The following RCOR3 variants were observed in gnomAD, a reference collection of about 807,000 sequenced individuals.
RCOR3 encodes the protein REST corepressor 3.
Under a neutral mutation model 64.1 loss-of-function variants are expected in RCOR3, and 13 were observed. That is an observed-to-expected ratio of 0.20 (90% CI 0.13 to 0.32). RCOR3 has a LOEUF of 0.32. Ranked by LOEUF, RCOR3 falls within the 10% of genes least tolerant of loss-of-function variation. The probability of loss-of-function intolerance (pLI) is 1.00; values close to 1 mark genes in which losing one functional copy is unlikely to be tolerated. For missense variants in RCOR3, 489 were observed against 701.2 expected (o/e 0.70, Z 3.42); for synonymous variants, 215 against 239.0 (o/e 0.90, Z 0.93).
chr1:211,262,694 T>A (rs966064316), intron 2 of RCOR3, among the ~76,000 whole-genome samples: 3 of 152,172 alleles, frequency 2.0e-5, no homozygotes, highest in African/African-American at 2.4e-5. Context: ...AGCATTACAT[T>A]GGAAAGCATT....
At chr1:211,278,973 GAAGTCAGGTTT>G (rs1490897708) in intron 6 of RCOR3, among the ~76,000 whole-genome samples, 1 of 152,184 alleles carries the variant, frequency 6.6e-6, no homozygotes, top group Non-Finnish European at 1.5e-5. Context: ...CAGATCACTT[GAAGTCAGGTTT>G]AAGACCAGCC....
intron 2 of RCOR3, among the ~76,000 whole-genome samples, chr1:211,266,028 TATC>T (rs1319783570): frequency 6.6e-6 from 1 of 151,946 alleles, no homozygotes; most frequent in Non-Finnish European, 1.5e-5. Flanking sequence ...TCTAACCTCT[TATC>T]ATTTGACCGC....
At chr1:211,293,009 G>A (rs982081684) in intron 8 of RCOR3, among the ~76,000 whole-genome samples, 3 of 151,854 alleles carry the variant, frequency 2.0e-5, no homozygotes, top group Middle Eastern at 3.4e-3. Flanking sequence ...GCTTGAATCC[G>A]GGCTGCAGAG....
At chr1:211,300,358 C>T (rs1244538497) in intron 9 of RCOR3, among the ~76,000 whole-genome samples, 1 of 152,138 alleles carries the variant, frequency 6.6e-6, no homozygotes. Flanking sequence ...GTGTGAGCCA[C>T]CACGTTCAGC....
chr1:211,281,579 A>G (rs1235386777), intron 7 of RCOR3, among the ~76,000 whole-genome samples: 1 of 152,130 alleles, frequency 6.6e-6, no homozygotes, highest in Admixed American at 6.6e-5. Context: ...ATAAAACACA[A>G]ACTCTCCAGT....
intron 7 of RCOR3, 80 bp downstream of exon 7, chr1:211,279,396 A>C (rs1697463081): frequency 9.9e-7 from 1 of 1,014,840 alleles, no homozygotes; most frequent in East Asian, 2.5e-5. Context: ...GTATTAAGAA[A>C]AACTTTTTAA....
intron 7 of RCOR3, among the ~76,000 whole-genome samples, chr1:211,283,359 C>T (rs959813083): frequency 6.6e-6 from 1 of 152,194 alleles, no homozygotes; most frequent in African/African-American, 2.4e-5. Context: ...AACAGGGTCC[C>T]AGGATTCTTT....
intron 10 of RCOR3, among the ~76,000 whole-genome samples, chr1:211,308,731 A>G (rs1701185486): frequency 1.6e-5 from 1 of 62,662 alleles, no homozygotes; most frequent in African/African-American, 6.7e-5. Flanking sequence ...TTTTTTTTTG[A>G]GACAGAGTCT....
At chr1:211,263,829 TTG>T (rs1207515728) in intron 2 of RCOR3, among the ~76,000 whole-genome samples, 83 of 152,180 alleles carry the variant, frequency 5.5e-4, no homozygotes, top group African/African-American at 2.0e-3. Flanking sequence ...TGTTTTTTTT[TTG>T]TTTTTTTTAG....
intron 2 of RCOR3, among the ~76,000 whole-genome samples, chr1:211,261,487 T>G (rs1226641308): frequency 1.3e-5 from 2 of 152,226 alleles, no homozygotes; most frequent in Non-Finnish European, 2.9e-5. Context: ...GTGTGTATAC[T>G]GATGGGCTTC....
intron 2 of RCOR3, among the ~76,000 whole-genome samples, chr1:211,269,183 G>A (rs1176690006): frequency 6.6e-6 from 1 of 152,174 alleles, no homozygotes; most frequent in Non-Finnish European, 1.5e-5. Context: ...TCATTTATGA[G>A]CCGGGTGCAG....
At chr1:211,290,154 A>G (rs548815389) in intron 8 of RCOR3, among the ~76,000 whole-genome samples, 1 of 152,246 alleles carries the variant, frequency 6.6e-6, no homozygotes, top group African/African-American at 2.4e-5. Context: ...CCTTAAATCT[A>G]GATATTCTTC....
intron 2 of RCOR3, among the ~76,000 whole-genome samples, chr1:211,261,609 A>G (rs893515316): frequency 2.0e-5 from 3 of 152,188 alleles, no homozygotes; most frequent in African/African-American, 7.2e-5. Context: ...ATTTGGAAAG[A>G]GCACATTTTG....
At chr1:211,278,750 A>G (rs1697361415) in intron 6 of RCOR3, among the ~76,000 whole-genome samples, 1 of 152,108 alleles carries the variant, frequency 6.6e-6, no homozygotes, top group Non-Finnish European at 1.5e-5. Context: ...TGTATACCCA[A>G]TGAGATAAAT....
At chr1:211,299,297 T>G (rs1700147126) in intron 9 of RCOR3, among the ~76,000 whole-genome samples, 1 of 152,202 alleles carries the variant, frequency 6.6e-6, no homozygotes, top group Non-Finnish European at 1.5e-5. Context: ...AAAATTAATA[T>G]GTCTCCTTGA....
intron 10 of RCOR3, among the ~76,000 whole-genome samples, chr1:211,309,806 G>A (rs1341863441): frequency 6.6e-6 from 1 of 152,234 alleles, no homozygotes; most frequent in Non-Finnish European, 1.5e-5. Flanking sequence ...GTTAAAGTTA[G>A]TTGCTGCTTA....
intron 3 of RCOR3, 51 bp from the exon 4 acceptor site, chr1:211,274,159 G>A (rs536344791): frequency 8.1e-7 from 1 of 1,237,482 alleles, no homozygotes; most frequent in Admixed American, 1.9e-5. Flanking sequence ...GTAGACCTAG[G>A]TAAATGAAGT....
intron 10 of RCOR3, among the ~76,000 whole-genome samples, chr1:211,308,693 T>G (rs1475874496): frequency 1.5e-5 from 1 of 65,196 alleles, no homozygotes; most frequent in African/African-American, 5.0e-5. Flanking sequence ...TGTTTTTTTT[T>G]TTTTTTGTGT....
intron 2 of RCOR3, among the ~76,000 whole-genome samples, chr1:211,263,482 C>T (rs548969521): frequency 2.0e-5 from 3 of 152,140 alleles, no homozygotes; most frequent in Non-Finnish European, 4.4e-5. Context: ...ATAAACATCA[C>T]TTTCTGTAAG....
Sources: gnomAD v4.1 joint callset for allele counts (sites outside exome capture counted in the v4.1 genomes callset) on GRCh38, gnomAD v4.1.1 for gene constraint, MANE v1.5 for transcripts, NCBI Gene and HGNC (gene_info 2026-07-23, HGNC 2026-07-21) for gene names.